The following COMMD10 variants were observed in gnomAD, a reference collection of about 807,000 sequenced individuals.
COMMD10 encodes the protein COMM domain-containing protein 10.
In COMMD10, 33 loss-of-function variants were observed where a neutral mutation model predicts 28.9. The ratio of observed to expected loss-of-function variants is 1.14; its 90% CI spans 0.87 to 1.53. The LOEUF is 1.53. Ranked by LOEUF, COMMD10 falls within the 40% of genes most tolerant of loss-of-function variation. The pLI is 0.00. For synonymous variants in COMMD10, 110 were observed against 81.7 expected, an observed-to-expected ratio of 1.35 and a Z score of -1.87; for missense variants, 310 against 233.4, an observed-to-expected ratio of 1.33 and a Z score of -2.14.
intron 5 of COMMD10, among the ~76,000 whole-genome samples, chr5:116,163,359 T>C (rs10070854): frequency 0.9 from 133,959 of 149,278 alleles, 60,214 homozygotes; most frequent in African/African-American, 0.94. Flanking sequence ...CCGAGGCAGG[T>C]GGATCACCCG....
At chr5:116,279,472 G>A (rs1031928154) in intron 5 of COMMD10, among the ~76,000 whole-genome samples, 1 of 151,742 alleles carries the variant, frequency 6.6e-6, no homozygotes, top group Non-Finnish European at 1.5e-5. Flanking sequence ...CGTTTGCCCA[G>A]TGCCCTTCTT....
intron 5 of COMMD10, among the ~76,000 whole-genome samples, chr5:116,270,295 T>C (rs749123730): frequency 2.0e-5 from 3 of 151,926 alleles, no homozygotes; most frequent in Non-Finnish European, 4.4e-5. Context: ...ATTCATGTAT[T>C]AGTTCCTGTT....
At chr5:116,261,185 A>G (rs996032722) in intron 5 of COMMD10, among the ~76,000 whole-genome samples, 1 of 151,812 alleles carries the variant, frequency 6.6e-6, no homozygotes, top group Non-Finnish European at 1.5e-5. Flanking sequence ...AGTACTACCT[A>G]ATTTGCCAAT....
At chr5:116,267,245 C>G (rs1401292103) in intron 5 of COMMD10, among the ~76,000 whole-genome samples, 1 of 151,906 alleles carries the variant, frequency 6.6e-6, no homozygotes, top group Non-Finnish European at 1.5e-5. Flanking sequence ...GCAACTTCAG[C>G]AAAGTCTCAG....
Position 116,190,216 on chromosome 5 carries a change from G to A in COMMD10, c.510+56038G>A, listed in dbSNP as rs539869211. 5.3e-4 allele frequency among the ~76,000 whole-genome samples: 81 copies of A among 152,102 alleles called. 2 individuals are homozygous for A. In the South Asian group the frequency reaches 0.016, roughly 31 times the overall value. On this transcript the variant is annotated intron_variant, in intron 5 of 6. Transcript: ENST00000274458. ...GAGAGGATGGAGGGAAAGAAACTGA[G>A]TCCTGATGGTGTATTTTGAGGCCTA...
At chr5:116,204,890 A>G (rs1194725155) in intron 5 of COMMD10, among the ~76,000 whole-genome samples, 1 of 152,112 alleles carries the variant, frequency 6.6e-6, no homozygotes, top group Non-Finnish European at 1.5e-5. Flanking sequence ...TAGACAACAC[A>G]TGCTGTTTTA....
At chr5:116,090,863 C>T (rs1750271335) in intron 2 of COMMD10, among the ~76,000 whole-genome samples, 1 of 152,216 alleles carries the variant, frequency 6.6e-6, no homozygotes, top group Non-Finnish European at 1.5e-5. Context: ...ACCTGCGTCA[C>T]CACAAGATAT....
At chr5:116,168,797 A>AC (rs1753219848) in intron 5 of COMMD10, among the ~76,000 whole-genome samples, 1 of 152,228 alleles carries the variant, frequency 6.6e-6, no homozygotes, top group Non-Finnish European at 1.5e-5. Flanking sequence ...CAAAGACACA[A>AC]TGTACCAGAA....
At chr5:116,168,588 A>G (rs1290957079) in intron 5 of COMMD10, among the ~76,000 whole-genome samples, 1 of 152,178 alleles carries the variant, frequency 6.6e-6, no homozygotes, top group Non-Finnish European at 1.5e-5. Context: ...TTGGAAGTAA[A>G]ACAGTCCTCA....
chr5:116,151,212 C>T (rs1226902878), intron 5 of COMMD10, among the ~76,000 whole-genome samples: 3 of 151,472 alleles, frequency 2.0e-5, no homozygotes, highest in Non-Finnish European at 2.9e-5. Flanking sequence ...ATGAAGCCCA[C>T]TTGTTCATGG....
chr5:116,142,043 T>C (rs10057513), intron 5 of COMMD10, among the ~76,000 whole-genome samples: 48,808 of 151,602 alleles, frequency 0.32, 11,134 homozygotes, highest in African/African-American at 0.65. Context: ...TTAGAAATTA[T>C]AGAAACGTGA....
At chr5:116,171,597 T>C (rs926930774) in intron 5 of COMMD10, among the ~76,000 whole-genome samples, 1 of 152,038 alleles carries the variant, frequency 6.6e-6, no homozygotes, top group Non-Finnish European at 1.5e-5. Flanking sequence ...ATCAATGATA[T>C]ACTGGATAAA....
intron 5 of COMMD10, among the ~76,000 whole-genome samples, chr5:116,196,347 G>A (rs1446328692): frequency 1.3e-5 from 2 of 152,138 alleles, no homozygotes; most frequent in Non-Finnish European, 2.9e-5. Flanking sequence ...GACTTGGGGT[G>A]AAGAGAGGGA....
At chr5:116,158,802 T>C (rs969522100) in intron 5 of COMMD10, among the ~76,000 whole-genome samples, 2 of 152,050 alleles carry the variant, frequency 1.3e-5, no homozygotes, top group Non-Finnish European at 2.9e-5. Flanking sequence ...CATCTAAAAC[T>C]TTAAGAATTA....
Position 116,111,532 on chromosome 5 carries a change from C to T in COMMD10, c.399+18832C>T, listed in dbSNP as rs184730546. ...TTAATTTTTTCATTGATCCAAAGGT[C>T]ATTCAGGGGCATATTGTTTAATTTT... On this transcript the variant is annotated intron_variant, in intron 4 of 6. Transcript: ENST00000274458. Among the ~76,000 whole-genome samples the T allele has an allele frequency of 9.9e-4, 150 of 151,192 alleles. 1 individual carries two copies. The highest frequency in any genetic ancestry group is 9.0e-4 in the Non-Finnish European group (61 of 67,642).
At chr5:116,097,189 G>T (rs1342379632) in intron 4 of COMMD10, among the ~76,000 whole-genome samples, 1 of 152,072 alleles carries the variant, frequency 6.6e-6, no homozygotes, top group Non-Finnish European at 1.5e-5. Flanking sequence ...GGAATGATCT[G>T]ATTAATTGTA....
At chr5:116,166,660 T>G (rs1296526039) in intron 5 of COMMD10, among the ~76,000 whole-genome samples, 1 of 152,108 alleles carries the variant, frequency 6.6e-6, no homozygotes, top group Non-Finnish European at 1.5e-5. Context: ...GGCAGCAATC[T>G]TTGCTGTTTT....
intron 5 of COMMD10, among the ~76,000 whole-genome samples, chr5:116,155,714 T>C (rs901657843): frequency 2.6e-5 from 4 of 152,074 alleles, no homozygotes; most frequent in African/African-American, 9.7e-5. Context: ...ATTCTATTGC[T>C]TTCAGCCAAA....
At chr5:116,096,432 ACTGAT>A (rs1383041138) in intron 4 of COMMD10, among the ~76,000 whole-genome samples, 2 of 151,676 alleles carry the variant, frequency 1.3e-5, no homozygotes, top group African/African-American at 4.8e-5. Context: ...ACTTTTCTAT[ACTGAT>A]CTCTATCCTG....
Sources: allele counts gnomAD v4.1 joint callset (sites outside exome capture counted in the v4.1 genomes callset), GRCh38; gene constraint gnomAD v4.1.1; transcripts MANE v1.5; gene names NCBI Gene and HGNC (gene_info 2026-07-23, HGNC 2026-07-21).